SCRG1: variants seen among roughly 807,000 people sequenced by gnomAD.
SCRG1 encodes stimulator of chondrogenesis 1.
In SCRG1, 3 loss-of-function variants were observed where a neutral mutation model predicts 7.7. That is an observed-to-expected ratio of 0.39 (90% CI 0.18 to 1.01). The LOEUF is 1.01. SCRG1 is among the 50% of genes least tolerant of loss of function. SCRG1 has a pLI of 0.36. For missense variants in SCRG1, 110 were observed against 117.2 expected (o/e 0.94, Z 0.28); for synonymous variants, 46 against 41.2 (o/e 1.12, Z -0.44).
chr4:173,432,042 A>T, the SCRG1 span, among the ~76,000 whole-genome samples: 1 of 152,226 alleles, frequency 6.6e-6, no homozygotes, highest in African/African-American at 2.4e-5. Flanking sequence ...ACAAAATCCA[A>T]CTTAGAGGTA....
the SCRG1 span, among the ~76,000 whole-genome samples, chr4:173,484,871 T>C: frequency 6.4e-5 from 5 of 77,532 alleles, no homozygotes; most frequent in Admixed American, 2.5e-4. Flanking sequence ...ATGTATATTT[T>C]ATATATTATA....
chr4:173,436,953 T>A, the SCRG1 span, among the ~76,000 whole-genome samples: 1 of 152,170 alleles, frequency 6.6e-6, no homozygotes, highest in Non-Finnish European at 1.5e-5. Flanking sequence ...TAGTTAGCCG[T>A]CCAAGCCTGC....
the SCRG1 span, among the ~76,000 whole-genome samples, chr4:173,475,784 T>A: frequency 6.6e-6 from 1 of 152,168 alleles, no homozygotes; most frequent in Non-Finnish European, 1.5e-5. Context: ...AAATCTGACA[T>A]GTGCTTCAAC....
the SCRG1 span, among the ~76,000 whole-genome samples, chr4:173,466,416 T>G: frequency 6.6e-6 from 1 of 152,148 alleles, no homozygotes; most frequent in East Asian, 1.9e-4. Flanking sequence ...TTCATTACTG[T>G]TCACAACACT....
the SCRG1 span, among the ~76,000 whole-genome samples, chr4:173,429,942 A>C: frequency 6.6e-6 from 1 of 152,170 alleles, no homozygotes; most frequent in Non-Finnish European, 1.5e-5. Flanking sequence ...GCATGCTTTT[A>C]AATGCTACAA....
chr4:173,419,672 T>C, the SCRG1 span: 3 of 783,328 alleles, frequency 3.8e-6, no homozygotes, highest in Admixed American at 3.4e-5. Flanking sequence ...CAAACCTCCA[T>C]CCACAGCTCC....
the SCRG1 span, among the ~76,000 whole-genome samples, chr4:173,467,013 C>T: frequency 5.9e-5 from 9 of 152,042 alleles, no homozygotes; most frequent in Admixed American, 5.9e-4. Context: ...TTTTCTCCTC[C>T]TCTTCCAAAT....
intron 1 of SCRG1, among the ~76,000 whole-genome samples, chr4:173,395,140 A>C (rs946938011): frequency 6.6e-6 from 1 of 152,162 alleles, no homozygotes; most frequent in Admixed American, 6.5e-5. Context: ...GGTAGTTTCA[A>C]CTTTGTTCTT....
the SCRG1 span, among the ~76,000 whole-genome samples, chr4:173,491,212 TC>T: frequency 3.9e-3 from 390 of 101,210 alleles, no homozygotes; most frequent in Admixed American, 9.8e-3. Flanking sequence ...TCTCTCTCTC[TC>T]TCTCTTTTTT....
the SCRG1 span, among the ~76,000 whole-genome samples, chr4:173,416,921 CA>C: frequency 4.0e-5 from 2 of 49,424 alleles, no homozygotes; most frequent in East Asian, 1.6e-3. Flanking sequence ...AACACACACA[CA>C]CACACACACA....
the SCRG1 span, among the ~76,000 whole-genome samples, chr4:173,511,033 C>A: frequency 7.9e-5 from 12 of 152,176 alleles, no homozygotes; most frequent in African/African-American, 2.9e-4. This position sits in a 1 kb window ranked among gnomAD's most constrained non-coding sequence, Gnocchi z 5.2. Context: ...GTGGCACTAT[C>A]TCTGCTCACT....
Position 173,388,300 on chromosome 4 carries a change from G to A in SCRG1, c.*41C>T. The A allele has an allele frequency of 6.8e-7, 1 of 1,473,418 alleles. No homozygotes were observed. The highest frequency in any genetic ancestry group is 1.4e-5 in the African/African-American group (1 of 71,948). 91.3% of individuals were successfully genotyped at this position (1,473,418 alleles called of 1,614,324 possible). Reference sequence around the variant, plus strand: ...GTTATACTGATGTAGTGCAGTTTGTGGGAAATCAGGAATGGTGTTCTCCAG... The same window carrying A: ...GTTATACTGATGTAGTGCAGTTTGTAGGAAATCAGGAATGGTGTTCTCCAG... On this transcript the variant is annotated 3_prime_UTR_variant, in exon 3 of 3. Coordinates refer to ENST00000296506, the MANE Select transcript of SCRG1 (RefSeq NM_007281.4).
At chr4:173,479,274 G>A in the SCRG1 span, among the ~76,000 whole-genome samples, 99,259 of 151,836 alleles carry the variant, frequency 0.65, 33,087 homozygotes, top group Non-Finnish European at 0.73. Flanking sequence ...AAAACCAATA[G>A]ATATATGAGA....
At chr4:173,483,641 T>C in the SCRG1 span, among the ~76,000 whole-genome samples, 2 of 33,418 alleles carry the variant, frequency 6.0e-5, no homozygotes, top group African/African-American at 1.7e-4. Context: ...ATATATAATA[T>C]ATATGATATA....
chr4:173,452,070 GTTGA>G, the SCRG1 span, among the ~76,000 whole-genome samples: 1 of 151,848 alleles, frequency 6.6e-6, no homozygotes, highest in Non-Finnish European at 1.5e-5. Flanking sequence ...ATTTCTAAGT[GTTGA>G]TTGTCACCAT....
At chr4:173,423,951 A>G in the SCRG1 span, among the ~76,000 whole-genome samples, 1 of 152,184 alleles carries the variant, frequency 6.6e-6, no homozygotes, top group Non-Finnish European at 1.5e-5. Flanking sequence ...AATAGAAAAT[A>G]ACTTACCCTT....
At chr4:173,490,617 T>C in the SCRG1 span, among the ~76,000 whole-genome samples, 1 of 152,238 alleles carries the variant, frequency 6.6e-6, no homozygotes, top group Non-Finnish European at 1.5e-5. Context: ...TGGTTAGGAT[T>C]ACCATTGCTT....
At chr4:173,464,028 T>C in the SCRG1 span, among the ~76,000 whole-genome samples, 1 of 152,296 alleles carries the variant, frequency 6.6e-6, no homozygotes, top group South Asian at 2.1e-4. Context: ...AAAGAGTCTG[T>C]GGTCAAGTAA....
chr4:173,504,024 A>G, the SCRG1 span, among the ~76,000 whole-genome samples: 28 of 152,256 alleles, frequency 1.8e-4, no homozygotes, highest in Non-Finnish European at 3.8e-4. The surrounding 1 kb of genome is among the most constrained non-coding windows in gnomAD (Gnocchi z 4.7). Flanking sequence ...GTCCTGCACA[A>G]CTGCAAACTC....
Sources: allele counts gnomAD v4.1 joint callset (sites outside exome capture counted in the v4.1 genomes callset), GRCh38; gene constraint gnomAD v4.1.1; non-coding constraint Gnocchi (gnomAD v3.1); transcripts MANE v1.5; gene names NCBI Gene and HGNC (gene_info 2026-07-23, HGNC 2026-07-21).